SPTAN1: variants seen among roughly 807,000 people sequenced by gnomAD.
SPTAN1 encodes the protein spectrin alpha, non-erythrocytic 1.
Under a neutral mutation model 331.3 loss-of-function variants are expected in SPTAN1, and 61 were observed. That is an observed-to-expected ratio of 0.18 (90% CI 0.15 to 0.23). The LOEUF is 0.23. Ranked by LOEUF, SPTAN1 falls within the 10% of genes least tolerant of loss-of-function variation. SPTAN1 has a pLI of 1.00. For synonymous variants in SPTAN1, 1,153 were observed against 1,173.9 expected, an observed-to-expected ratio of 0.98 and a Z score of 0.36; for missense variants, 2,043 against 3,147.9, an observed-to-expected ratio of 0.65 and a Z score of 8.40.
chr9:128,619,302 C>T (rs1017460852), intron 44 of SPTAN1, among the ~76,000 whole-genome samples: 2 of 152,166 alleles, frequency 1.3e-5, no homozygotes, highest in Non-Finnish European at 2.9e-5. Flanking sequence ...AAATAAGTAC[C>T]ACAAACGGAG....
chr9:128,594,098 C>T (rs551015397), intron 23 of SPTAN1, 77 bp from the exon 24 acceptor site: 40 of 1,385,854 alleles, frequency 2.9e-5, no homozygotes, highest in African/African-American at 2.6e-4. Flanking sequence ...GGAGACACCT[C>T]GTGGTTTGCC....
rs199866550 is a variant in SPTAN1 at position 128,633,266 on chromosome 9, G to A, written c.7366G>A (p.Gly2456Ser). The change falls in exon 57 of 57, where the codon GGC becomes AGC. Residue 2456 changes from glycine to serine, a missense_variant. Gly to Ser is a moderately conservative substitution (Grantham distance 56). This residue lies in a region of SPTAN1 where 88 missense variants were observed against 96.5 expected (regional missense o/e 0.91). Coordinates refer to ENST00000372739, the MANE Select transcript of SPTAN1 (RefSeq NM_001130438.3). ...CVSHMKPYVD[G>S]KGRELPTAFD... is the part of the protein sequence containing the mutation. ...CTCCCACATGAAGCCCTACGTGGAC[G>A]GCAAGGGCCGCGAGCTCCCCACCGC... is the stretch of plus-strand genomic sequence containing the variant. The A allele has an allele frequency of 4.9e-5, 79 of 1,613,902 alleles. No individual in the cohort carries two copies. The highest frequency in any genetic ancestry group is 2.5e-4 in the African/African-American group (19 of 74,916).
At chr9:128,598,856 G>A (rs1406549489) in intron 25 of SPTAN1, 107 bp from the exon 26 acceptor site, 1 of 1,030,950 alleles carries the variant, frequency 9.7e-7, no homozygotes, top group South Asian at 1.3e-5. Flanking sequence ...ATTTCCATTT[G>A]TCCTTTTGGA....
chr9:128,578,245 G>A lies in SPTAN1; in HGVS notation c.1221G>A (p.Lys407=). 6.2e-7 allele frequency: 1 copy of A among 1,614,032 alleles called. No individual in the cohort carries two copies. Among genetic ancestry groups the A allele is most frequent in the Non-Finnish European group, 8.5e-7 (1 of 1,179,992 alleles). ...TGCTAGATAGACACCAAGAGCACAAGGTAATGGTATCTCTAGAATCTTCCA... is the reference window on the plus strand; with the variant it reads ...TGCTAGATAGACACCAAGAGCACAAAGTAATGGTATCTCTAGAATCTTCCA... ...EALLDRHQEH[K]GEIDAHEDSF... The change falls in exon 9 of 57, where the codon AAG becomes AAA. Residue 407 remains lysine, a splice_region_variant and synonymous_variant. Transcript: ENST00000372739.
At chr9:128,628,360 G>T in intron 51 of SPTAN1, 1 of 372,846 alleles carries the variant, frequency 2.7e-6, no homozygotes, top group South Asian at 2.1e-5. Context: ...AGTGCTGGGG[G>T]CTCAGGCAGG....
At chr9:128,584,209 C>T (rs757748474) in intron 16 of SPTAN1, 73 bp from the exon 17 acceptor site, 7 of 1,607,854 alleles carry the variant, frequency 4.4e-6, no homozygotes, top group South Asian at 1.1e-5. Flanking sequence ...GAAAAAAGAC[C>T]TTATCAATTT....
Position 128,555,468 on chromosome 9 carries a change from C to T in SPTAN1, c.-4+2772C>T. ...GCCTGGCTTGCAGTGAAGGCATATT[C>T]GTGTCAAAGAGGTTGAATGATCCAA... On this transcript the variant is annotated intron_variant, in intron 1 of 56. Coordinates refer to ENST00000372739, the MANE Select transcript of SPTAN1 (RefSeq NM_001130438.3). 1.6e-6 allele frequency: 2 copies of T among 1,213,658 alleles called. 1 individual carries two copies. Among genetic ancestry groups the T allele is most frequent in the Admixed American group, 4.6e-5 (2 of 43,156 alleles). 75.2% of individuals were successfully genotyped at this position (1,213,658 alleles called of 1,614,324 possible).
rs1858484017 is a variant in SPTAN1, at chr9:128,624,802, CA to C, written c.5993-300del. 8.1e-5 allele frequency: 46 copies of C among 567,234 alleles called. No individual in the cohort carries two copies. In the South Asian group the frequency reaches 9.0e-4, roughly 11 times the overall value. 35.1% of individuals were successfully genotyped at this position (567,234 alleles called of 1,614,324 possible). A position where few individuals can be genotyped will look rare whatever the true frequency, so the allele number is the denominator to read the frequency against. On this transcript the variant is annotated intron_variant, in intron 46 of 56. Coordinates refer to ENST00000372739, the MANE Select transcript of SPTAN1 (RefSeq NM_001130438.3). ...CAAAGGCACCACTAGCTGCCCTGGTCAGGGGCGCCACCCAGCTCCTGGGTGA... is the reference window on the plus strand; with the variant it reads ...CAAAGGCACCACTAGCTGCCCTGGTCGGGGCGCCACCCAGCTCCTGGGTGA...
rs766673044 is a variant in SPTAN1, at chr9:128,583,158, G to A, written c.1888G>A (p.Ala630Thr). 15 of 1,614,058 alleles carry A rather than the reference G, an allele frequency of 9.3e-6. No individual in the cohort carries two copies. Among genetic ancestry groups the A allele is most frequent in the Non-Finnish European group, 5.9e-6 (7 of 1,180,046 alleles). The change falls in exon 15 of 57, where the codon GCC (alanine) becomes ACC (threonine). Residue 630 changes from alanine to threonine, a missense_variant. Coordinates refer to ENST00000372739, the MANE Select transcript of SPTAN1 (RefSeq NM_001130438.3). Reference sequence around the variant, plus strand: ...CTCAGCAAACCAGAGCCGAATTGATGCCTTGGAGAAAGCTGGCCAAAAGCT... The same window carrying A: ...CTCAGCAAACCAGAGCCGAATTGATACCTTGGAGAAAGCTGGCCAAAAGCT... ...ELSANQSRID[A>T]LEKAGQKLID... is the part of the protein sequence containing the mutation.
Position 128,627,708 on chromosome 9 carries a change from C to T in SPTAN1, c.6689+210C>T. ...TCTCAGTGCTGCATGTCCCAGACAT[C>T]AAGTTGTTAGAGATCCCGGATTGAG... On this transcript the variant is annotated intron_variant, in intron 50 of 56. Transcript: ENST00000372739. The surrounding 1 kb of genome is among the most constrained non-coding windows in gnomAD (Gnocchi z 4.9). 1.3e-6 allele frequency: 1 copy of T among 791,258 alleles called. No homozygotes were observed. The highest frequency in any genetic ancestry group is 2.2e-6 in the Non-Finnish European group (1 of 456,094). The allele number at this position is 791,258 out of a possible 1,614,324, so 49.0% of individuals were successfully genotyped here. A position where few individuals can be genotyped will look rare whatever the true frequency, so the allele number is the denominator to read the frequency against.
chr9:128,600,010 G>A (rs1474787984), intron 26 of SPTAN1, 70 bp from the exon 27 acceptor site: 18 of 1,524,944 alleles, frequency 1.2e-5, no homozygotes, highest in African/African-American at 2.7e-5. Context: ...AGAGTCATTC[G>A]CTGGAAAGGC....
chr9:128,612,370 CTTA>C, intron 39 of SPTAN1, 124 bp downstream of exon 39: 1 of 1,250,958 alleles, frequency 8.0e-7, no homozygotes, highest in Non-Finnish European at 1.2e-6. Flanking sequence ...GACAGAAACC[CTTA>C]TTATATATGA....
chr9:128,605,564 C>T (rs1855721048), intron 31 of SPTAN1, 87 bp downstream of exon 31: 3 of 1,528,240 alleles, frequency 2.0e-6, no homozygotes, highest in Non-Finnish European at 2.7e-6. Flanking sequence ...ACATGCTCAG[C>T]AGGGTACAAT....
chr9:128,624,043 A>C (rs1003613954), intron 45 of SPTAN1, among the ~76,000 whole-genome samples: 1 of 139,958 alleles, frequency 7.1e-6, no homozygotes, highest in Non-Finnish European at 1.5e-5. Context: ...AGATCACGCC[A>C]CTGCATTCCA....
chr9:128,618,684 C>T (rs539373936), intron 43 of SPTAN1, among the ~76,000 whole-genome samples, 187 bp from the exon 44 acceptor site: 97 of 152,188 alleles, frequency 6.4e-4, no homozygotes, highest in African/African-American at 2.3e-3. Context: ...GGGGTTTCAC[C>T]GTCTTAGCCA....
intron 1 of SPTAN1, among the ~76,000 whole-genome samples, chr9:128,562,728 G>A (rs916439000): frequency 6.6e-6 from 1 of 151,894 alleles, no homozygotes; most frequent in African/African-American, 2.4e-5. Flanking sequence ...ACTTTGGGAG[G>A]CCAAGGTGGG....
intron 52 of SPTAN1, chr9:128,631,752 G>A (rs773113715): frequency 2.9e-5 from 7 of 239,590 alleles, no homozygotes; most frequent in East Asian, 2.3e-4. Context: ...ACTTGAACCC[G>A]GGAGGTTGCA....
In SPTAN1 at chr9:128,627,002, A is replaced by G. The variant is rs1297276240; in HGVS notation, c.6576+315A>G. 1 of 560,252 alleles carries G rather than the reference A, an allele frequency of 1.8e-6. No homozygotes were observed. The highest frequency in any genetic ancestry group is 1.5e-5 in the South Asian group (1 of 65,188). 34.7% of individuals were successfully genotyped at this position (560,252 alleles called of 1,614,324 possible). On this transcript the variant is annotated intron_variant, in intron 49 of 56. Coordinates refer to ENST00000372739, the MANE Select transcript of SPTAN1 (RefSeq NM_001130438.3). The surrounding 1 kb of genome is among the most constrained non-coding windows in gnomAD (Gnocchi z 4.9). ...GCTAATTATTTTAATTTTTGTAGAC[A>G]GGGTGTTGCTATGTTGCCCAGGCTG...
At position 128,605,282 on chromosome 9, in the gene SPTAN1, C is replaced by T; in HGVS notation, c.3865-14C>T. On this transcript the variant is annotated splice_polypyrimidine_tract_variant and intron_variant, in intron 30 of 56. Coordinates refer to ENST00000372739, the MANE Select transcript of SPTAN1 (RefSeq NM_001130438.3). ...CCCCTTACTGCAAGCTCATTCACCA[C>T]TTTCTTCCCATAGGTAAACTCCCTT... 1 of 1,614,190 alleles carries T rather than the reference C, an allele frequency of 6.2e-7. No homozygotes were observed. The highest frequency in any genetic ancestry group is 8.5e-7 in the Non-Finnish European group (1 of 1,180,038).
Sources: allele counts gnomAD v4.1 joint callset (sites outside exome capture counted in the v4.1 genomes callset), GRCh38; gene constraint gnomAD v4.1.1; regional missense constraint gnomAD v4.1.1; non-coding constraint Gnocchi (gnomAD v3.1); transcripts MANE v1.5; gene names NCBI Gene and HGNC (gene_info 2026-07-23, HGNC 2026-07-21).